Variants in REC114 observed in about 807,000 individuals in gnomAD.
REC114 encodes the protein REC114 meiotic recombination protein, also known as meiotic recombination protein REC114.
In REC114, 27 loss-of-function variants were observed where a neutral mutation model predicts 31.3. The ratio of observed to expected loss-of-function variants is 0.86; its 90% confidence interval spans 0.64 to 1.19. REC114 has a LOEUF of 1.19. Among genes scored for constraint, REC114 ranks in the 50% most tolerant of loss-of-function variants. The pLI is 0.00. For missense variants in REC114, 344 were observed against 326.9 expected, an observed-to-expected ratio of 1.05 and a Z score of -0.40; for synonymous variants, 134 against 127.7, an observed-to-expected ratio of 1.05 and a Z score of -0.33.
intron 2 of REC114, among the ~76,000 whole-genome samples, chr15:73,510,173 GA>G (rs1311015879): frequency 6.6e-6 from 1 of 152,000 alleles, no homozygotes; most frequent in Non-Finnish European, 1.5e-5. Flanking sequence ...TTGTAAGTTG[GA>G]TTCCTAGGTA....
intron 2 of REC114, among the ~76,000 whole-genome samples, chr15:73,498,554 A>G (rs1444713630): frequency 6.6e-6 from 1 of 152,200 alleles, no homozygotes; most frequent in African/African-American, 2.4e-5. Flanking sequence ...AGTGATGGGA[A>G]CAGGGAGTAG....
intron 2 of REC114, among the ~76,000 whole-genome samples, chr15:73,490,709 GTA>G (rs956080436): frequency 6.6e-6 from 1 of 152,014 alleles, no homozygotes; most frequent in Non-Finnish European, 1.5e-5. Context: ...AATAAAGAAT[GTA>G]TATATATAAT....
At chr15:73,530,400 G>A (rs1894061253) in intron 2 of REC114, among the ~76,000 whole-genome samples, 1 of 152,174 alleles carries the variant, frequency 6.6e-6, no homozygotes, top group Non-Finnish European at 1.5e-5. Flanking sequence ...GGTGGCTTAT[G>A]CCTATAATCC....
chr15:73,487,626 C>T (rs750086556), intron 2 of REC114, among the ~76,000 whole-genome samples: 1 of 152,226 alleles, frequency 6.6e-6, no homozygotes, highest in African/African-American at 2.4e-5. Flanking sequence ...AGGCCCTGCC[C>T]GTTAGAACTT....
chr15:73,452,500 G>C (rs893066555), intron 1 of REC114, among the ~76,000 whole-genome samples: 23 of 152,250 alleles, frequency 1.5e-4, no homozygotes, highest in African/African-American at 5.1e-4. Context: ...AAAACAAATG[G>C]GAAAACATTC....
At chr15:73,489,200 C>CTTTTTT (rs60331328) in intron 2 of REC114, among the ~76,000 whole-genome samples, 2 of 126,262 alleles carry the variant, frequency 1.6e-5, no homozygotes, top group Non-Finnish European at 3.3e-5. Flanking sequence ...CCTCCCCCAC[C>CTTTTTT]TTTTTTTTTT....
At chr15:73,446,136 G>A (rs920808431) in intron 1 of REC114, among the ~76,000 whole-genome samples, 2 of 152,128 alleles carry the variant, frequency 1.3e-5, no homozygotes, top group East Asian at 3.8e-4. Context: ...ATTAAGTTAG[G>A]GGTTTGCTCT....
chr15:73,443,419 C>T, intron 1 of REC114, 75 bp downstream of exon 1: 1 of 1,447,954 alleles, frequency 6.9e-7, no homozygotes, highest in Non-Finnish European at 9.1e-7. Flanking sequence ...ATACACTGGG[C>T]CAGTGCCCCG....
Position 73,551,151 on chromosome 15 carries a change from G to C in REC114, c.546+1G>C. ...AAAGAGTGTCCCACGGCAGCCTGGAGTAAGTAGGCTGATGTGTTGGTTATA... is the reference window on the plus strand; with the variant it reads ...AAAGAGTGTCCCACGGCAGCCTGGACTAAGTAGGCTGATGTGTTGGTTATA... On this transcript the variant is annotated splice_donor_variant, in intron 4 of 5. Transcript: ENST00000331090. LOFTEE classifies it high-confidence loss of function. The C allele has an allele frequency of 1.3e-6, 2 of 1,597,118 alleles. No homozygotes were observed. The highest frequency in any genetic ancestry group is 1.7e-6 in the Non-Finnish European group (2 of 1,171,772).
intron 2 of REC114, among the ~76,000 whole-genome samples, chr15:73,499,585 G>C (rs1472747449): frequency 1.3e-5 from 2 of 152,016 alleles, no homozygotes; most frequent in African/African-American, 4.8e-5. Flanking sequence ...ACTTTCTTTA[G>C]TCTCTTATTA....
At chr15:73,548,263 C>G (rs1894337908) in intron 3 of REC114, among the ~76,000 whole-genome samples, 1 of 152,216 alleles carries the variant, frequency 6.6e-6, no homozygotes, top group African/African-American at 2.4e-5. Flanking sequence ...CATGCGCCAC[C>G]ATGCCCAGCT....
Position 73,528,454 on chromosome 15 carries a change from C to T in REC114, c.250-12031C>T, listed in dbSNP as rs528402749. ...TGAATCTGCAAGCTTCTTGATCTAC[C>T]GCTTTTTGAGAATTATAAGACAGAG... On this transcript the variant is annotated intron_variant, in intron 2 of 5. Coordinates refer to ENST00000331090, the MANE Select transcript of REC114 (RefSeq NM_001042367.2). 3.1e-3 allele frequency among the ~76,000 whole-genome samples: 468 copies of T among 152,170 alleles called. 3 individuals are homozygous for T. Among genetic ancestry groups the T allele is most frequent in the Non-Finnish European group, 3.8e-3 (256 of 67,984 alleles).
chr15:73,492,633 A>C (rs1893461787), intron 2 of REC114, among the ~76,000 whole-genome samples: 1 of 152,218 alleles, frequency 6.6e-6, no homozygotes, highest in Non-Finnish European at 1.5e-5. Flanking sequence ...TTGCATTTCT[A>C]GCAAACTCTT....
chr15:73,469,867 G>A (rs1893109816), intron 1 of REC114, among the ~76,000 whole-genome samples: 1 of 151,902 alleles, frequency 6.6e-6, no homozygotes. Context: ...TGTATTTTTA[G>A]TAGAGATGGG....
At chr15:73,508,968 G>T (rs1442459790) in intron 2 of REC114, among the ~76,000 whole-genome samples, 2 of 150,226 alleles carry the variant, frequency 1.3e-5, no homozygotes, top group Non-Finnish European at 3.0e-5. Flanking sequence ...CCAGTAATGG[G>T]ATGGCTGGGT....
At position 73,549,423 on chromosome 15, in the gene REC114, G is replaced by A. The variant is rs115109137; in HGVS notation, c.334-1515G>A. On this transcript the variant is annotated intron_variant, in intron 3 of 5. Coordinates refer to ENST00000331090, the MANE Select transcript of REC114 (RefSeq NM_001042367.2). ...AAAAAGAAAGAATGAACAGGACCTA[G>A]TATTTGATAGCACAACAGGATGACG... 4.2e-3 allele frequency among the ~76,000 whole-genome samples: 641 copies of A among 152,264 alleles called. 2 individuals carry two copies. Among genetic ancestry groups the A allele is most frequent in the African/African-American group, 0.015 (610 of 41,558 alleles).
intron 2 of REC114, among the ~76,000 whole-genome samples, chr15:73,522,200 C>A (rs1893945984): frequency 6.6e-6 from 1 of 152,172 alleles, no homozygotes; most frequent in African/African-American, 2.4e-5. Context: ...GTTTGCACTT[C>A]TGAGGCATGG....
chr15:73,471,024 G>C (rs533311801), intron 1 of REC114, among the ~76,000 whole-genome samples: 64 of 152,316 alleles, frequency 4.2e-4, no homozygotes, highest in African/African-American at 1.4e-3. Flanking sequence ...ACCGTGGAGT[G>C]CGTTGCAGGA....
At chr15:73,456,502 G>A (rs1892917549) in intron 1 of REC114, among the ~76,000 whole-genome samples, 1 of 152,040 alleles carries the variant, frequency 6.6e-6, no homozygotes, top group African/African-American at 2.4e-5. Context: ...TCTCAACAGT[G>A]TTCTTTTTTC....
Sources: allele counts gnomAD v4.1 joint callset (sites outside exome capture counted in the v4.1 genomes callset), GRCh38; gene constraint gnomAD v4.1.1; transcripts MANE v1.5; gene names NCBI Gene and HGNC (gene_info 2026-07-23, HGNC 2026-07-21).